The following SLC24A2 variants were observed in gnomAD, a reference collection of about 807,000 sequenced individuals.
SLC24A2 encodes solute carrier family 24 member 2, also known as sodium/potassium/calcium exchanger 2.
In SLC24A2, 36 loss-of-function variants were observed where a neutral mutation model predicts 62.0. The observed-to-expected ratio is 0.58, with a 90% CI of 0.44 to 0.77. The LOEUF is 0.77. Ranked by LOEUF, SLC24A2 falls within the 30% of genes least tolerant of loss-of-function variation. SLC24A2 has a pLI of 0.00. For missense variants in SLC24A2, 846 were observed against 817.9 expected (o/e 1.03, Z -0.42); for synonymous variants, 358 against 294.0 (o/e 1.22, Z -2.23).
At chr9:20,080,715 T>C in the SLC24A2 span, among the ~76,000 whole-genome samples, 2 of 152,272 alleles carry the variant, frequency 1.3e-5, no homozygotes, top group South Asian at 2.1e-4. Flanking sequence ...AGAAAATTTT[T>C]GCAAACTACT....
the SLC24A2 span, among the ~76,000 whole-genome samples, chr9:19,909,264 T>C: frequency 2.7e-5 from 4 of 150,612 alleles, no homozygotes. Flanking sequence ...TTCTCACTCA[T>C]AGGTGGGAAT....
chr9:19,612,984 A>G (rs1837219626), intron 4 of SLC24A2, among the ~76,000 whole-genome samples: 1 of 152,238 alleles, frequency 6.6e-6, no homozygotes, highest in African/African-American at 2.4e-5. Flanking sequence ...GAGATATAAC[A>G]TCCATCTGGG....
chr9:20,146,779 A>T, the SLC24A2 span, among the ~76,000 whole-genome samples: 2 of 152,128 alleles, frequency 1.3e-5, no homozygotes, highest in African/African-American at 4.8e-5. Flanking sequence ...AGAAGGCAAG[A>T]GATACCCTTG....
At chr9:20,292,891 C>G in the SLC24A2 span, among the ~76,000 whole-genome samples, 1 of 152,216 alleles carries the variant, frequency 6.6e-6, no homozygotes, top group African/African-American at 2.4e-5. Flanking sequence ...CACACCTGGC[C>G]CTGTCTCACA....
At chr9:19,769,068 T>C (rs1822604744) in intron 2 of SLC24A2, among the ~76,000 whole-genome samples, 1 of 152,170 alleles carries the variant, frequency 6.6e-6, no homozygotes, top group Non-Finnish European at 1.5e-5. Context: ...AGCATCTCCA[T>C]TTCAATGTTC....
the SLC24A2 span, among the ~76,000 whole-genome samples, chr9:20,017,112 T>A: frequency 6.6e-6 from 1 of 152,232 alleles, no homozygotes; most frequent in Non-Finnish European, 1.5e-5. Context: ...AACCTCTGTC[T>A]CTTGACTTCA....
At chr9:19,801,804 G>C in the SLC24A2 span, among the ~76,000 whole-genome samples, 1 of 152,176 alleles carries the variant, frequency 6.6e-6, no homozygotes, top group East Asian at 1.9e-4. Flanking sequence ...AATCCAGCTA[G>C]TGCTGTCTCT....
the SLC24A2 span, among the ~76,000 whole-genome samples, chr9:20,106,098 A>G: frequency 2.0e-5 from 3 of 152,248 alleles, no homozygotes; most frequent in Admixed American, 6.5e-5. Flanking sequence ...GAAAATCTAG[A>G]AGAAATGGAT....
the SLC24A2 span, among the ~76,000 whole-genome samples, chr9:20,026,079 A>G: frequency 6.6e-6 from 1 of 152,158 alleles, no homozygotes; most frequent in Non-Finnish European, 1.5e-5. Flanking sequence ...GTCAAATTGC[A>G]TATTTTTTCT....
chr9:19,548,382 C>G (rs888608466), intron 8 of SLC24A2, among the ~76,000 whole-genome samples: 1 of 152,130 alleles, frequency 6.6e-6, no homozygotes, highest in South Asian at 2.1e-4. Context: ...AGGAAATGAC[C>G]AGGTATAAAT....
chr9:19,719,801 T>C (rs1158159721), intron 2 of SLC24A2, among the ~76,000 whole-genome samples: 2 of 152,230 alleles, frequency 1.3e-5, no homozygotes, highest in East Asian at 3.8e-4. Flanking sequence ...TCCTTTTGAA[T>C]CATGCTCTCT....
chr9:19,592,769 G>T (rs893987602), intron 5 of SLC24A2, among the ~76,000 whole-genome samples: 1 of 152,134 alleles, frequency 6.6e-6, no homozygotes, highest in Admixed American at 6.5e-5. Flanking sequence ...AGTAAGAATG[G>T]TATGAAATTT....
chr9:19,539,491 C>T (rs1375185093), intron 8 of SLC24A2, among the ~76,000 whole-genome samples: 2 of 148,766 alleles, frequency 1.3e-5, no homozygotes, highest in African/African-American at 2.5e-5. Context: ...GCAGGTTGTT[C>T]AGTTTCCATG....
At chr9:19,962,415 C>T in the SLC24A2 span, among the ~76,000 whole-genome samples, 4 of 152,050 alleles carry the variant, frequency 2.6e-5, no homozygotes, top group Admixed American at 6.5e-5. Context: ...CATTGGTAGC[C>T]TGATGGGGAT....
chr9:19,817,369 A>T, the SLC24A2 span, among the ~76,000 whole-genome samples: 42 of 152,154 alleles, frequency 2.8e-4, no homozygotes, highest in African/African-American at 1.0e-3. Context: ...CAGAACAGAA[A>T]AAGAACCAAT....
chr9:20,178,929 A>G, the SLC24A2 span, among the ~76,000 whole-genome samples: 1 of 152,172 alleles, frequency 6.6e-6, no homozygotes, highest in Non-Finnish European at 1.5e-5. Context: ...GCACCATACT[A>G]CTATGACTCC....
the SLC24A2 span, among the ~76,000 whole-genome samples, chr9:19,829,675 G>A: frequency 3.3e-5 from 5 of 151,492 alleles, no homozygotes; most frequent in East Asian, 5.9e-4. Context: ...AGGCTGCAGT[G>A]AGCTATGTTT....
chr9:19,921,922 A>G, the SLC24A2 span, among the ~76,000 whole-genome samples: 1 of 152,212 alleles, frequency 6.6e-6, no homozygotes, highest in African/African-American at 2.4e-5. Context: ...GAAAGGGTTA[A>G]GAAGTCTCTA....
the SLC24A2 span, among the ~76,000 whole-genome samples, chr9:20,085,976 T>C: frequency 6.6e-6 from 1 of 152,186 alleles, no homozygotes; most frequent in Non-Finnish European, 1.5e-5. Context: ...TAACTTCTAT[T>C]GGCAGGATTT....
Sources: allele counts gnomAD v4.1 joint callset (sites outside exome capture counted in the v4.1 genomes callset), GRCh38; gene constraint gnomAD v4.1.1; transcripts MANE v1.5; gene names NCBI Gene and HGNC (gene_info 2026-07-23, HGNC 2026-07-21).